PTPRD: variants seen among roughly 807,000 people sequenced by gnomAD.
PTPRD encodes protein tyrosine phosphatase receptor type D, also known as receptor-type tyrosine-protein phosphatase delta.
Under a neutral mutation model 214.5 loss-of-function variants are expected in PTPRD, and 34 were observed. The observed-to-expected ratio is 0.16, with a 90% confidence interval of 0.12 to 0.21. PTPRD has a LOEUF of 0.21. PTPRD is among the 10% of genes least tolerant of loss of function. The pLI, the probability that PTPRD is intolerant of heterozygous loss-of-function variation, is 1.00. For missense variants in PTPRD, 2,545 were observed against 2,398.7 expected, an observed-to-expected ratio of 1.06 and a Z score of -1.27; for synonymous variants, 1,128 against 845.7, an observed-to-expected ratio of 1.33 and a Z score of -5.79.
intron 10 of PTPRD, among the ~76,000 whole-genome samples, chr9:9,095,696 G>C (rs924958142): frequency 6.6e-6 from 1 of 152,160 alleles, no homozygotes; most frequent in Admixed American, 6.5e-5. Flanking sequence ...CAGTATGGAG[G>C]TTTCAAAATA....
chr9:8,818,900 G>T (rs920058113), intron 11 of PTPRD, among the ~76,000 whole-genome samples: 1 of 152,082 alleles, frequency 6.6e-6, no homozygotes, highest in African/African-American at 2.4e-5. Context: ...AATTACTCCC[G>T]AAGAGTTCCC....
chr9:9,864,761 A>G (rs1600199538), intron 5 of PTPRD, among the ~76,000 whole-genome samples: 1 of 151,816 alleles, frequency 6.6e-6, no homozygotes. Flanking sequence ...CAATTCTCCC[A>G]CCTTTGCCTC....
intron 10 of PTPRD, among the ~76,000 whole-genome samples, chr9:9,113,079 C>G (rs930686108): frequency 2.0e-5 from 3 of 151,808 alleles, no homozygotes; most frequent in Admixed American, 6.6e-5. Flanking sequence ...ATCCTCCTCC[C>G]TCAGCCTCCC....
intron 5 of PTPRD, among the ~76,000 whole-genome samples, chr9:9,930,245 T>C (rs945098202): frequency 6.6e-6 from 1 of 152,136 alleles, no homozygotes; most frequent in African/African-American, 2.4e-5. Context: ...AATTAGAGTG[T>C]GCCTTTGGTT....
At chr9:9,243,445 A>G (rs1021650131) in intron 9 of PTPRD, among the ~76,000 whole-genome samples, 7 of 152,160 alleles carry the variant, frequency 4.6e-5, no homozygotes, top group African/African-American at 1.7e-4. Context: ...ATCCACCATA[A>G]TCAAGTGGGC....
rs190488927 is a variant in PTPRD, at chr9:8,526,238, T to C, written c.568+389A>G. ...GAAGAAAAAAAATGATCTTTTTTTT[T>C]CTCCGGTTGGACAAAAAAAAAGGAA... On this transcript the variant is annotated intron_variant, in intron 17 of 45. Coordinates refer to ENST00000381196, the MANE Select transcript of PTPRD (RefSeq NM_002839.4). 8.1e-3 allele frequency among the ~76,000 whole-genome samples: 1,156 copies of C among 143,292 alleles called. 11 individuals carry two copies. The highest frequency in any genetic ancestry group is 0.015 in the Middle Eastern group (4 of 274). 94.0% of individuals were successfully genotyped at this position (143,292 alleles called of 152,430 possible).
At chr9:8,331,810 G>GAACA in intron 43 of PTPRD, 74 bp from the exon 44 acceptor site, 1 of 1,465,128 alleles carries the variant, frequency 6.8e-7, no homozygotes, top group Non-Finnish European at 9.0e-7. Flanking sequence ...CGGACCACAA[G>GAACA]AACAATCATT....
At chr9:10,040,603 G>C (rs1236577073) in intron 3 of PTPRD, among the ~76,000 whole-genome samples, 1 of 151,984 alleles carries the variant, frequency 6.6e-6, no homozygotes, top group African/African-American at 2.4e-5. Flanking sequence ...GCTATATTTG[G>C]TTTCTGCAGA....
At chr9:10,496,044 T>C (rs1468222608) in intron 2 of PTPRD, among the ~76,000 whole-genome samples, 1 of 151,846 alleles carries the variant, frequency 6.6e-6, no homozygotes, top group Non-Finnish European at 1.5e-5. Flanking sequence ...TATTGTATTA[T>C]TAATCTAGAG....
At chr9:9,464,036 G>C (rs1047217610) in intron 8 of PTPRD, among the ~76,000 whole-genome samples, 3 of 152,036 alleles carry the variant, frequency 2.0e-5, no homozygotes, top group African/African-American at 7.2e-5. Flanking sequence ...CTCAAACATG[G>C]TTACATTTAT....
intron 35 of PTPRD, among the ~76,000 whole-genome samples, chr9:8,427,788 A>T (rs2094785981): frequency 6.6e-6 from 1 of 152,082 alleles, no homozygotes; most frequent in South Asian, 2.1e-4. Context: ...TTTCCTTTCC[A>T]CATTCTAACA....
intron 8 of PTPRD, among the ~76,000 whole-genome samples, chr9:9,432,730 T>C (rs117747963): frequency 0.038 from 5,788 of 152,324 alleles, 164 homozygotes; most frequent in Middle Eastern, 0.061. Flanking sequence ...TAAAGTATCA[T>C]TTAATGAATA....
At chr9:9,482,966 T>G (rs1165817728) in intron 8 of PTPRD, among the ~76,000 whole-genome samples, 1 of 152,194 alleles carries the variant, frequency 6.6e-6, no homozygotes, top group Non-Finnish European at 1.5e-5. Context: ...GTAAAATTAT[T>G]GGCAAACTGC....
intron 2 of PTPRD, among the ~76,000 whole-genome samples, chr9:10,487,877 T>A (rs2484741): frequency 0.75 from 112,889 of 151,028 alleles, 42,486 homozygotes; most frequent in African/African-American, 0.82. Flanking sequence ...GTACTACCTC[T>A]ATTATCTTGG....
intron 3 of PTPRD, among the ~76,000 whole-genome samples, chr9:10,162,284 T>G (rs12555118): frequency 0.053 from 8,100 of 151,486 alleles, 313 homozygotes; most frequent in Admixed American, 0.11. Flanking sequence ...AAATAAAAAT[T>G]GAATCAACCT....
chr9:9,628,733 T>C (rs7031352), intron 7 of PTPRD, among the ~76,000 whole-genome samples: 21,407 of 152,056 alleles, frequency 0.14, 2,038 homozygotes, highest in African/African-American at 0.27. Flanking sequence ...TTAACTATCT[T>C]CTCAGGTTTT....
At chr9:9,182,916 C>A (rs955095616) in intron 10 of PTPRD, among the ~76,000 whole-genome samples, 8 of 151,940 alleles carry the variant, frequency 5.3e-5, no homozygotes. Context: ...GTAGGCGAGA[C>A]CACCACCGAG....
intron 39 of PTPRD, among the ~76,000 whole-genome samples, chr9:8,372,360 T>TACTTC (rs1217970915): frequency 6.6e-6 from 1 of 152,074 alleles, no homozygotes; most frequent in Non-Finnish European, 1.5e-5. Context: ...AATTACTGCA[T>TACTTC]ACTTCTATAT....
intron 4 of PTPRD, among the ~76,000 whole-genome samples, chr9:9,976,233 C>T (rs1427964623): frequency 6.6e-6 from 1 of 151,900 alleles, no homozygotes; most frequent in African/African-American, 2.4e-5. Context: ...CACAAAGGTC[C>T]CCCTCCCAGT....
Sources: allele counts gnomAD v4.1 joint callset (sites outside exome capture counted in the v4.1 genomes callset), GRCh38; gene constraint gnomAD v4.1.1; transcripts MANE v1.5; gene names NCBI Gene and HGNC (gene_info 2026-07-23, HGNC 2026-07-21).